The following ARAP1 variants were observed in gnomAD, a reference collection of about 807,000 sequenced individuals.
ARAP1 encodes arf-GAP with Rho-GAP domain, ANK repeat and PH domain-containing protein 1.
ARAP1 carries 76 observed loss-of-function variants against 172.2 expected under a neutral mutation model. The observed-to-expected ratio is 0.44, with a 90% confidence interval of 0.37 to 0.53. The LOEUF is 0.53. ARAP1 is among the 20% of genes least tolerant of loss of function. The pLI, the probability that ARAP1 is intolerant of heterozygous loss-of-function variation, is 0.00. For missense variants in ARAP1, 1,686 were observed against 1,977.5 expected (o/e 0.85, Z 2.80); for synonymous variants, 804 against 803.3 (o/e 1.00, Z -0.01).
rs36034875 is a variant in ARAP1 at position 72,714,196 on chromosome 11, G to C, written c.635C>G (p.Pro212Arg). The C allele has an allele frequency of 4.6e-6, 7 of 1,522,516 alleles. No individual in the cohort carries two copies. The African/African-American group carries it at 1.0e-4, about 22-fold the overall frequency. 94.3% of individuals were successfully genotyped at this position (1,522,516 alleles called of 1,614,324 possible). A position where few individuals can be genotyped will look rare whatever the true frequency, so the allele number is the denominator to read the frequency against. The change falls in exon 4 of 35, where the codon CCC becomes CGC. Residue 212 changes from proline (P) to arginine (R), a missense_variant. Transcript: ENST00000393609. ...PPQPPSPPPC[P>R]PEIPPKPVRL... ...TACCGGCTTTGGAGGTATCTCCGGG[G>C]GGCAGGGAGGTGGAGAGGGAGGCTG...
intron 1 of ARAP1, among the ~76,000 whole-genome samples, chr11:72,748,520 A>G (rs913262716): frequency 2.2e-5 from 2 of 91,914 alleles, no homozygotes; most frequent in Non-Finnish European, 4.3e-5. Context: ...ACTCCATCTC[A>G]AAAAAAAAAA....
intron 21 of ARAP1, 56 bp downstream of exon 21, chr11:72,697,267 G>A: frequency 6.3e-7 from 1 of 1,586,988 alleles, no homozygotes; most frequent in Non-Finnish European, 8.6e-7. Flanking sequence ...GCAGCTCTGG[G>A]GCGGGAGGCG....
intron 4 of ARAP1, 38 bp from the exon 5 acceptor site, chr11:72,713,281 G>A: frequency 1.3e-6 from 2 of 1,592,182 alleles, no homozygotes; most frequent in African/African-American, 1.3e-5. Context: ...AGGGCAAGGG[G>A]CCTGGCCTCC....
At chr11:72,751,337 T>C (rs1428456517) in intron 1 of ARAP1, among the ~76,000 whole-genome samples, 1 of 152,174 alleles carries the variant, frequency 6.6e-6, no homozygotes, top group African/African-American at 2.4e-5. Context: ...CCCTCGCCTT[T>C]GGAGGGTCCT....
intron 18 of ARAP1, 59 bp downstream of exon 18, chr11:72,698,946 G>A (rs1856342611): frequency 1.9e-6 from 3 of 1,558,926 alleles, no homozygotes; most frequent in African/African-American, 1.4e-5. Flanking sequence ...GGATTGGCCA[G>A]GAGGCCCCAC....
chr11:72,701,650 T>C lies in ARAP1; in HGVS notation c.2301A>G (p.Glu767=). ...AGCAGAGTCTGGGGTGGCACCCACC[T>C]TCCCGGGCCCGGCGGTCCTGTAGCA... is the stretch of plus-strand genomic sequence containing the variant. ...GKLLQDRRAR[E]EFSRRWCVLG... Residue 767 remains glutamate, a splice_region_variant and synonymous_variant, in exon 16 of 35, where the codon GAA becomes GAG. Coordinates refer to ENST00000393609, the MANE Select transcript of ARAP1 (RefSeq NM_001040118.3). The C allele has an allele frequency of 6.2e-7, 1 of 1,612,702 alleles. No individual in the cohort carries two copies. Among genetic ancestry groups the C allele is most frequent in the African/African-American group, 1.3e-5 (1 of 75,030 alleles).
rs930288749 is a variant in ARAP1, at chr11:72,709,970, G to C, written c.1423C>G (p.His475Asp). The change falls in exon 11 of 35, where the codon CAC becomes GAC. Residue 475 changes from histidine (H) to aspartate (D), a missense_variant. This residue lies in a region of ARAP1 where 688 missense variants were observed against 856.9 expected (regional missense o/e 0.80). Transcript: ENST00000393609. ...ATGAAGGTGATGCCAATGCCCAGGT[G>C]GTACTCCTGGAGGGCAGATGGGACG... The part of the protein sequence containing the change: ...VQLYKNLEEY[H>D]LGIGITFIDM... The C allele has an allele frequency of 1.9e-6, 3 of 1,613,692 alleles. No individual in the cohort carries two copies. Among genetic ancestry groups the C allele is most frequent in the Non-Finnish European group, 2.5e-6 (3 of 1,179,886 alleles).
chr11:72,750,946 T>G (rs1342318778), intron 1 of ARAP1, among the ~76,000 whole-genome samples: 1 of 152,088 alleles, frequency 6.6e-6, no homozygotes, highest in East Asian at 1.9e-4. Context: ...TCTAGAGGGT[T>G]GGGAGGAGGA....
rs749703508 is a variant in ARAP1, at chr11:72,711,474, C to T, written c.1048G>A (p.Val350Met). The T allele has an allele frequency of 1.9e-6, 3 of 1,612,846 alleles. No individual in the cohort carries two copies. In the East Asian group the frequency reaches 6.7e-5, roughly 36 times the overall value. Residue 350 changes from valine to methionine, a missense_variant, in exon 8 of 35, where the codon GTG becomes ATG. Val to Met is a conservative substitution (Grantham distance 21). This residue lies in a region of ARAP1 where 688 missense variants were observed against 856.9 expected (regional missense o/e 0.80). Coordinates refer to ENST00000393609, the MANE Select transcript of ARAP1 (RefSeq NM_001040118.3). ...QGSYIYQKRW[V>M]RLDTDHLRYF... ...CGCAGGTGATCAGTATCCAGTCTCA[C>T]CCATCGTTTCTGATAGATGTAAGAT...
chr11:72,748,435 G>A (rs1018959893), intron 1 of ARAP1, among the ~76,000 whole-genome samples: 2 of 151,784 alleles, frequency 1.3e-5, no homozygotes, highest in Non-Finnish European at 2.9e-5. Flanking sequence ...CAGGAGAATC[G>A]CTTGAACCCG....
At chr11:72,702,484 G>A (rs1856533147) in intron 15 of ARAP1, among the ~76,000 whole-genome samples, 1 of 152,218 alleles carries the variant, frequency 6.6e-6, no homozygotes. Context: ...CACCCAAGCA[G>A]GGCAGTAGAC....
At chr11:72,743,736 T>C (rs2135592562) in intron 1 of ARAP1, among the ~76,000 whole-genome samples, 1 of 152,068 alleles carries the variant, frequency 6.6e-6, no homozygotes, top group East Asian at 1.9e-4. Context: ...CCTTAAACAC[T>C]GCTGGGGATG....
Position 72,695,134 on chromosome 11 carries a change from C to T in ARAP1, c.3577-37G>A, listed in dbSNP as rs1391542667. 34 of 1,599,004 alleles carry T rather than the reference C, an allele frequency of 2.1e-5. No homozygotes were observed. Among genetic ancestry groups the T allele is most frequent in the Non-Finnish European group, 2.9e-5 (34 of 1,168,536 alleles). The stretch of plus-strand genomic sequence containing the variant: ...AAGGAGGAGATTAGCCTGCCTGTGC[C>T]TAGCCCCTGCTCTGCCACAACCTTG... On this transcript the variant is annotated intron_variant, in intron 26 of 34. Transcript: ENST00000393609. This position sits in a 1 kb window ranked among gnomAD's most constrained non-coding sequence, Gnocchi z 4.4.
In ARAP1 at chr11:72,696,661, G is replaced by T. The variant is rs1225993198; in HGVS notation, c.3167-7C>A. On this transcript the variant is annotated splice_region_variant and splice_polypyrimidine_tract_variant and intron_variant, in intron 22 of 34. Transcript: ENST00000393609. Reference sequence around the variant, plus strand: ...TCCTCCTCGTCCTCAATCTCTGGGTGGGAAAGATAAATCAAGTCAGAAACC... The same window carrying T: ...TCCTCCTCGTCCTCAATCTCTGGGTTGGAAAGATAAATCAAGTCAGAAACC... 6.3e-7 allele frequency: 1 copy of T among 1,577,960 alleles called. No individual in the cohort carries two copies. The highest frequency in any genetic ancestry group is 1.8e-5 in the Admixed American group (1 of 54,194).
chr11:72,700,280 A>T (rs191315204), intron 16 of ARAP1: 22 of 152,992 alleles, frequency 1.4e-4, no homozygotes, highest in African/African-American at 5.0e-4. Context: ...AGAGGGAGGC[A>T]GACCTGGGGC....
intron 18 of ARAP1, 62 bp downstream of exon 18, chr11:72,698,943 C>A: frequency 6.5e-7 from 1 of 1,548,530 alleles, no homozygotes; most frequent in Non-Finnish European, 8.9e-7. Flanking sequence ...ATGGGATTGG[C>A]CAGGAGGCCC....
At chr11:72,713,138 A>G in intron 5 of ARAP1, 38 bp downstream of exon 5, 1 of 1,608,944 alleles carries the variant, frequency 6.2e-7, no homozygotes, top group African/African-American at 1.3e-5. Flanking sequence ...CACCCCCACA[A>G]CACCCTGACA....
rs369631560 is a variant in ARAP1, at chr11:72,716,271, A to G, written c.510-1950T>C. ...TGCCAAGATCTGAACCCTGACTCCA[A>G]AGTTTATGAGCTTCTTAGGACACTT... On this transcript the variant is annotated intron_variant, in intron 3 of 34. Coordinates refer to ENST00000393609, the MANE Select transcript of ARAP1 (RefSeq NM_001040118.3). Among the ~76,000 whole-genome samples the G allele has an allele frequency of 4.6e-5, 7 of 152,126 alleles. No homozygotes were observed. In the South Asian group the frequency reaches 1.5e-3, roughly 32 times the overall value.
chr11:72,700,794 G>A (rs570498097), intron 16 of ARAP1, among the ~76,000 whole-genome samples: 15 of 152,174 alleles, frequency 9.9e-5, no homozygotes, highest in African/African-American at 3.4e-4. Flanking sequence ...ACCTGAGGTC[G>A]GGAGTTTGAG....
Sources: allele counts gnomAD v4.1 joint callset (sites outside exome capture counted in the v4.1 genomes callset), GRCh38; gene constraint gnomAD v4.1.1; regional missense constraint gnomAD v4.1.1; non-coding constraint Gnocchi (gnomAD v3.1); transcripts MANE v1.5; gene names NCBI Gene and HGNC (gene_info 2026-07-23, HGNC 2026-07-21).